The following CDH4 variants were observed in gnomAD, a reference collection of about 807,000 sequenced individuals.
The protein encoded by CDH4 is cadherin 4.
Under a neutral mutation model 86.0 loss-of-function variants are expected in CDH4, and 33 were observed. The ratio of observed to expected loss-of-function variants is 0.38; its 90% CI spans 0.29 to 0.51. The LOEUF is 0.51. Among genes scored for constraint, CDH4 ranks in the 20% least tolerant of loss-of-function variants. The probability of loss-of-function intolerance (pLI) is 0.86; values close to 1 mark genes in which losing one functional copy is unlikely to be tolerated. For synonymous variants in CDH4, 555 were observed against 549.4 expected, an observed-to-expected ratio of 1.01 and a Z score of -0.14; for missense variants, 1,114 against 1,307.4, an observed-to-expected ratio of 0.85 and a Z score of 2.28.
At chr20:61,360,156 G>A (rs28698842) in intron 2 of CDH4, among the ~76,000 whole-genome samples, 36,094 of 152,168 alleles carry the variant, frequency 0.24, 4,867 homozygotes, top group South Asian at 0.35. Flanking sequence ...ACATCAGCTC[G>A]CAGGTTTGTC....
chr20:61,700,344 G>A (rs867994445), intron 2 of CDH4, among the ~76,000 whole-genome samples: 14 of 152,198 alleles, frequency 9.2e-5, no homozygotes, highest in Non-Finnish European at 1.5e-4. Context: ...ATATGCCTGC[G>A]TGGCTGGTCA....
At position 61,387,815 on chromosome 20, in the gene CDH4, C is replaced by G. The variant is rs573769669; in HGVS notation, c.169+132878C>G. ...AGCACCAGACAAGCCCGCACCGGCCCGTGGCCCTGCCCCTTCCTTCCCACT... is the reference window on the plus strand; with the variant it reads ...AGCACCAGACAAGCCCGCACCGGCCGGTGGCCCTGCCCCTTCCTTCCCACT... On this transcript the variant is annotated intron_variant, in intron 2 of 15. Coordinates refer to ENST00000614565, the MANE Select transcript of CDH4 (RefSeq NM_001794.5). 8.1e-4 allele frequency among the ~76,000 whole-genome samples: 124 copies of G among 152,318 alleles called. 2 individuals are homozygous for G. Among genetic ancestry groups the G allele is most frequent in the African/African-American group, 2.9e-3 (121 of 41,580 alleles).
In CDH4 at chr20:61,356,659, GA is replaced by G. The variant is rs2084752176; in HGVS notation, c.169+101723del. ...CACCGTATGTGAATATTTTAATTAG[GA>G]TTGTAACAAGCTATTGAGAAAGTTT... On this transcript the variant is annotated intron_variant, in intron 2 of 15. Coordinates refer to ENST00000614565, the MANE Select transcript of CDH4 (RefSeq NM_001794.5). 3.3e-5 allele frequency among the ~76,000 whole-genome samples: 5 copies of G among 152,278 alleles called. No individual in the cohort carries two copies. In the South Asian group the frequency reaches 1.0e-3, roughly 32 times the overall value.
chr20:61,695,395 C>T (rs552436908), intron 2 of CDH4, among the ~76,000 whole-genome samples: 56 of 152,292 alleles, frequency 3.7e-4, no homozygotes, highest in African/African-American at 1.2e-3. Context: ...CCATCAGACC[C>T]GAACGAGGGT....
At chr20:61,362,051 G>C (rs558223739) in intron 2 of CDH4, among the ~76,000 whole-genome samples, 11 of 152,378 alleles carry the variant, frequency 7.2e-5, no homozygotes, top group African/African-American at 2.6e-4. Flanking sequence ...TGGTGAAGAA[G>C]ATGCAGAGGG....
At chr20:61,650,312 G>C (rs1160615450) in intron 2 of CDH4, among the ~76,000 whole-genome samples, 7 of 152,212 alleles carry the variant, frequency 4.6e-5, no homozygotes, top group Non-Finnish European at 8.8e-5. Context: ...AACAGGGTCT[G>C]TGTTTTGTTC....
chr20:61,930,730 C>T (rs1225062158), intron 13 of CDH4, among the ~76,000 whole-genome samples: 1 of 152,250 alleles, frequency 6.6e-6, no homozygotes, highest in Non-Finnish European at 1.5e-5. Context: ...AGCCGGTTTT[C>T]ATTTCTGAGG....
intron 2 of CDH4, among the ~76,000 whole-genome samples, chr20:61,313,389 C>T (rs1249933410): frequency 6.6e-6 from 1 of 152,170 alleles, no homozygotes; most frequent in Non-Finnish European, 1.5e-5. Context: ...CTACACAGCT[C>T]CCTTCATCTT....
chr20:61,281,708 C>A (rs2084259971), intron 2 of CDH4, among the ~76,000 whole-genome samples: 1 of 152,186 alleles, frequency 6.6e-6, no homozygotes, highest in Non-Finnish European at 1.5e-5. Flanking sequence ...CAAGGCTGAC[C>A]ACAAAGCAAA....
chr20:61,520,361 T>C (rs1015534570), intron 2 of CDH4, among the ~76,000 whole-genome samples: 1 of 152,146 alleles, frequency 6.6e-6, no homozygotes, highest in Non-Finnish European at 1.5e-5. Context: ...CACCCTTGGG[T>C]TGAAATGCCA....
At chr20:61,334,137 C>A (rs1180969267) in intron 2 of CDH4, among the ~76,000 whole-genome samples, 1 of 152,310 alleles carries the variant, frequency 6.6e-6, no homozygotes, top group Non-Finnish European at 1.5e-5. Context: ...TCTGGGCCAC[C>A]CCCTCTGAGG....
At chr20:61,758,691 C>G (rs531173820) in intron 3 of CDH4, among the ~76,000 whole-genome samples, 1 of 152,348 alleles carries the variant, frequency 6.6e-6, no homozygotes, top group African/African-American at 2.4e-5. Flanking sequence ...GAGCCGTGGC[C>G]ACTCTAACCC....
rs2086830157 is a variant in CDH4, at chr20:61,626,381, T to A, written c.170-117182T>A. ...GTCACCTGCGTTTTCTGTCTGGCCT[T>A]GATGTGGGGGCATTACTTTGGGCTC... On this transcript the variant is annotated intron_variant, in intron 2 of 15. Transcript: ENST00000614565. Among the ~76,000 whole-genome samples, 4 of 151,694 alleles carry A rather than the reference T, an allele frequency of 2.6e-5. No homozygotes were observed. In the South Asian group the frequency reaches 8.3e-4, roughly 32 times the overall value.
chr20:61,678,969 G>C (rs919131567), intron 2 of CDH4, among the ~76,000 whole-genome samples: 30 of 152,230 alleles, frequency 2.0e-4, no homozygotes, highest in African/African-American at 6.5e-4. Context: ...GTGTCCAAGA[G>C]GGAGAGTATG....
chr20:61,443,930 G>A (rs1398749482), intron 2 of CDH4, among the ~76,000 whole-genome samples: 2 of 146,642 alleles, frequency 1.4e-5, no homozygotes, highest in African/African-American at 2.6e-5. Context: ...CTGTGTGTGT[G>A]TCTTTGTGGA....
intron 7 of CDH4, among the ~76,000 whole-genome samples, chr20:61,894,402 G>A (rs370298842): frequency 6.6e-5 from 10 of 152,316 alleles, no homozygotes; most frequent in African/African-American, 2.2e-4. Context: ...TTGCATCTCC[G>A]CACCTGCACA....
intron 4 of CDH4, among the ~76,000 whole-genome samples, chr20:61,795,996 C>T (rs1483401432): frequency 1.3e-5 from 2 of 152,102 alleles, no homozygotes; most frequent in Non-Finnish European, 2.9e-5. Flanking sequence ...TTAATCCATG[C>T]TTCCCCTCCC....
intron 2 of CDH4, among the ~76,000 whole-genome samples, chr20:61,304,763 G>A (rs2084406762): frequency 6.8e-6 from 1 of 146,358 alleles, no homozygotes; most frequent in South Asian, 2.2e-4. Flanking sequence ...TGTGCATGTT[G>A]TGTGTGTGGG....
chr20:61,871,025 T>C (rs886212272), intron 6 of CDH4, among the ~76,000 whole-genome samples: 1 of 137,636 alleles, frequency 7.3e-6, no homozygotes, highest in Non-Finnish European at 1.6e-5. Flanking sequence ...ATTACGTATA[T>C]GTATATTTAT....
Sources: allele counts gnomAD v4.1 joint callset (sites outside exome capture counted in the v4.1 genomes callset), GRCh38; gene constraint gnomAD v4.1.1; transcripts MANE v1.5; gene names NCBI Gene and HGNC (gene_info 2026-07-23, HGNC 2026-07-21).